The following TIAM2 variants were observed in gnomAD, a reference collection of about 807,000 sequenced individuals.
The protein encoded by TIAM2 is rho guanine nucleotide exchange factor TIAM2.
TIAM2 carries 80 observed loss-of-function variants against 152.9 expected under a neutral mutation model. The observed-to-expected ratio is 0.52, with a 90% CI of 0.44 to 0.63. The LOEUF (loss-of-function observed/expected upper bound fraction) is 0.63, where lower values mean the gene tolerates loss of function less well. Among genes scored for constraint, TIAM2 ranks in the 30% least tolerant of loss-of-function variants. The pLI, the probability that TIAM2 is intolerant of heterozygous loss-of-function variation, is 0.00. For synonymous variants in TIAM2, 804 were observed against 838.0 expected, an observed-to-expected ratio of 0.96 and a Z score of 0.70; for missense variants, 1,965 against 2,120.1, an observed-to-expected ratio of 0.93 and a Z score of 1.44.
chr6:155,074,950 G>T (rs1301203044), intron 1 of TIAM2, among the ~76,000 whole-genome samples: 1 of 151,908 alleles, frequency 6.6e-6, no homozygotes, highest in Non-Finnish European at 1.5e-5. Context: ...GAGGGTGGAG[G>T]GGCAGCTGGT....
chr6:155,148,031 C>A, intron 6 of TIAM2, 79 bp from the exon 7 acceptor site: 1 of 1,464,152 alleles, frequency 6.8e-7, no homozygotes, highest in Non-Finnish European at 9.5e-7. Context: ...TTTTGTACAT[C>A]TAAGCCCAGC....
At chr6:155,171,419 A>G (rs2151959) in intron 9 of TIAM2, among the ~76,000 whole-genome samples, 149,758 of 152,358 alleles carry the variant, frequency 0.98, 73,615 homozygotes, top group East Asian at 1. Flanking sequence ...CGGCAACCCC[A>G]GAAGCTTCAT....
At position 155,138,234 on chromosome 6, in the gene TIAM2, A is replaced by G. The variant is rs575673701; in HGVS notation, c.1630+622A>G. 2.5e-4 allele frequency among the ~76,000 whole-genome samples: 38 copies of G among 152,106 alleles called. 1 individual carries two copies. Among genetic ancestry groups the G allele is most frequent in the African/African-American group, 7.5e-4 (31 of 41,490 alleles). On this transcript the variant is annotated intron_variant, in intron 5 of 26. Transcript: ENST00000682666. The stretch of plus-strand genomic sequence containing the variant: ...TGTACCATTTTCGCTGGATTTGGAG[A>G]AAAAAAAGTCAGTAACCAAAGGTAG...
chr6:155,189,669 C>A (rs181684324), intron 14 of TIAM2, among the ~76,000 whole-genome samples: 1 of 152,080 alleles, frequency 6.6e-6, no homozygotes, highest in Non-Finnish European at 1.5e-5. Flanking sequence ...CACATTATTT[C>A]ATACTCTCAA....
chr6:155,116,296 A>G (rs1033551452), intron 2 of TIAM2, among the ~76,000 whole-genome samples: 1 of 152,192 alleles, frequency 6.6e-6, no homozygotes, highest in Admixed American at 6.5e-5. Flanking sequence ...GAATACTCAT[A>G]TGAATTAAGG....
chr6:155,227,581 G>A (rs531719897), intron 15 of TIAM2, among the ~76,000 whole-genome samples: 7 of 152,298 alleles, frequency 4.6e-5, no homozygotes, highest in African/African-American at 1.7e-4. Flanking sequence ...AGAAAGGGGA[G>A]AAAACTGTAT....
At chr6:155,140,703 G>A (rs1477430528) in intron 5 of TIAM2, among the ~76,000 whole-genome samples, 8 of 152,014 alleles carry the variant, frequency 5.3e-5, no homozygotes, top group African/African-American at 1.7e-4. Flanking sequence ...AAGATCTAGG[G>A]ATATTTAGCA....
chr6:155,204,690 CAT>C (rs1781555254), intron 14 of TIAM2, among the ~76,000 whole-genome samples: 1 of 152,050 alleles, frequency 6.6e-6, no homozygotes, highest in Admixed American at 6.5e-5. Context: ...GCATGAAAAA[CAT>C]ATTTTAAAAA....
At chr6:155,172,820 C>T (rs1780663369) in intron 9 of TIAM2, among the ~76,000 whole-genome samples, 1 of 148,820 alleles carries the variant, frequency 6.7e-6, no homozygotes, top group African/African-American at 2.5e-5. Context: ...TTTAACATAG[C>T]AGCATCTTTG....
intron 14 of TIAM2, among the ~76,000 whole-genome samples, chr6:155,188,611 C>T (rs1009592497): frequency 2.0e-5 from 3 of 152,208 alleles, no homozygotes; most frequent in African/African-American, 7.2e-5. Flanking sequence ...ACAAGGCAAC[C>T]ATTGAAGGGA....
At position 155,130,041 on chromosome 6, in the gene TIAM2, C is replaced by G. The variant is rs562335962; in HGVS notation, c.818C>G (p.Pro273Arg). Residue 273 changes from proline to arginine, a missense_variant, in exon 4 of 27, where the codon CCT becomes CGT. Physicochemically the swap from Pro to Arg is moderately radical, Grantham distance 103 (BLOSUM62 -2). Transcript: ENST00000682666. ...AEGSFLAPGM[P>R]DPSLHASFPP... is the part of the protein sequence containing the mutation. ...GGCTCCTTCCTGGCCCCCGGCATGC[C>G]TGACCCCAGTCTCCATGCCAGCTTC... The G allele has an allele frequency of 3.7e-6, 6 of 1,614,072 alleles. No homozygotes were observed. The African/African-American group carries it at 5.3e-5, about 14-fold the overall frequency.
chr6:155,006,007 GGGTAA>G (rs1167077160), intron 1 of TIAM2, among the ~76,000 whole-genome samples: 2 of 152,216 alleles, frequency 1.3e-5, no homozygotes, highest in African/African-American at 4.8e-5. Context: ...AGAAAAGGGT[GGGTAA>G]GGAGGAGCCA....
intron 14 of TIAM2, among the ~76,000 whole-genome samples, chr6:155,190,146 T>C (rs928947898): frequency 3.3e-5 from 5 of 152,230 alleles, no homozygotes; most frequent in Admixed American, 6.5e-5. Flanking sequence ...TCCCCCTGCC[T>C]TCTATAAAAT....
At chr6:155,038,163 G>T (rs1295220972) in intron 1 of TIAM2, among the ~76,000 whole-genome samples, 2 of 152,188 alleles carry the variant, frequency 1.3e-5, no homozygotes, top group Non-Finnish European at 2.9e-5. Flanking sequence ...TAATGAGGAT[G>T]GTAATAAGTT....
chr6:155,016,915 A>C (rs1479675597), intron 1 of TIAM2, among the ~76,000 whole-genome samples: 1 of 152,098 alleles, frequency 6.6e-6, no homozygotes, highest in Non-Finnish European at 1.5e-5. Flanking sequence ...AAAAATCAAT[A>C]AATAAAAATC....
At chr6:155,165,459 C>A (rs1409388627) in intron 9 of TIAM2, 50 bp downstream of exon 9, 3 of 1,567,124 alleles carry the variant, frequency 1.9e-6, no homozygotes, top group Non-Finnish European at 1.7e-6. Flanking sequence ...TTCCTGAAAC[C>A]CCTAATTTTC....
rs181592621 is a variant in TIAM2 at position 155,161,589 on chromosome 6, A to T, written c.2029-2826A>T. ...TTGTCTTTTTTTTTTTTTTTCTGAG[A>T]TGGAGTCTCACTCTGTTGCCCAGGC... On this transcript the variant is annotated intron_variant, in intron 7 of 26. Transcript: ENST00000682666. Among the ~76,000 whole-genome samples the T allele has an allele frequency of 6.6e-4, 96 of 145,210 alleles. 1 individual carries two copies. Among genetic ancestry groups the T allele is most frequent in the Admixed American group, 1.3e-3 (18 of 14,382 alleles).
At chr6:155,187,573 C>CCATTTTTTTTTTTTTTTTT (rs1189509294) in intron 14 of TIAM2, among the ~76,000 whole-genome samples, 1 of 49,614 alleles carries the variant, frequency 2.0e-5, no homozygotes, top group Non-Finnish European at 3.7e-5. Flanking sequence ...ACCCCGCCCC[C>CCATTTTTTTTTTTTTTTTT]TTTTTTTTTT....
chr6:155,046,051 T>TC, intron 1 of TIAM2, among the ~76,000 whole-genome samples: 1 of 151,812 alleles, frequency 6.6e-6, no homozygotes, highest in South Asian at 2.1e-4. Flanking sequence ...CACTGCCTGC[T>TC]CCCACACCAT....
Sources: gnomAD v4.1 joint callset for allele counts (sites outside exome capture counted in the v4.1 genomes callset) on GRCh38, gnomAD v4.1.1 for gene constraint, MANE v1.5 for transcripts, NCBI Gene and HGNC (gene_info 2026-07-23, HGNC 2026-07-21) for gene names.